RALGAPB: variants seen among roughly 807,000 people sequenced by gnomAD.
RALGAPB encodes the protein ral GTPase-activating protein subunit beta.
RALGAPB carries 25 observed loss-of-function variants against 161.1 expected under a neutral mutation model. The observed-to-expected ratio is 0.16, with a 90% CI of 0.11 to 0.22. The LOEUF (loss-of-function observed/expected upper bound fraction) is 0.22, where lower values mean the gene tolerates loss of function less well. Ranked by LOEUF, RALGAPB falls within the 10% of genes least tolerant of loss-of-function variation. The pLI is 1.00. For missense variants in RALGAPB, 1,391 were observed against 1,815.2 expected (o/e 0.77, Z 4.25); for synonymous variants, 629 against 626.1 (o/e 1.00, Z -0.07).
intron 22 of RALGAPB, among the ~76,000 whole-genome samples, chr20:38,554,875 C>T (rs565081402): frequency 6.6e-6 from 1 of 152,258 alleles, no homozygotes; most frequent in South Asian, 2.1e-4. Context: ...GCCAGGAGTT[C>T]GAGACCAGTC....
chr20:38,530,833 G>A (rs987801627), intron 13 of RALGAPB, among the ~76,000 whole-genome samples: 2 of 149,868 alleles, frequency 1.3e-5, no homozygotes, highest in Non-Finnish European at 3.0e-5. Context: ...TTGACCTCCC[G>A]CCCCACTTCG....
Position 38,473,027 on chromosome 20 carries a change from GC to G in RALGAPB, c.-72del, listed in dbSNP as rs932560842. 43 of 390,336 alleles carry G rather than the reference GC, an allele frequency of 1.1e-4. No individual in the cohort carries two copies. The Admixed American group carries it at 1.7e-3, about 16-fold the overall frequency. 24.2% of individuals were successfully genotyped at this position (390,336 alleles called of 1,614,324 possible). On this transcript the variant is annotated 5_prime_UTR_variant, in exon 1 of 30. Transcript: ENST00000262879. ...GGCGGAAGGCCGAGGACGGCCGGCG[GC>G]GGCGCCCGCCCCGGCGATGCGGGCC...
Position 38,509,091 on chromosome 20 carries a change from C to T in RALGAPB, c.755C>T (p.Thr252Ile), listed in dbSNP as rs2085856474. 3 of 1,613,552 alleles carry T rather than the reference C, an allele frequency of 1.9e-6. No homozygotes were observed. Among genetic ancestry groups the T allele is most frequent in the African/African-American group, 1.3e-5 (1 of 74,902 alleles). The change falls in exon 6 of 30, where the codon ACA (threonine) becomes ATA (isoleucine). Residue 252 changes from threonine to isoleucine, a missense_variant. Coordinates refer to ENST00000262879, the MANE Select transcript of RALGAPB (RefSeq NM_020336.4). The part of the protein sequence containing the change: ...CALTSRLLRF[T>I]YGPSFPAFKV... ...TTATTTTCTAGATTGCTACGCTTTACATATGGTCCTTCATTTCCTGCATTT... is the reference window on the plus strand; with the variant it reads ...TTATTTTCTAGATTGCTACGCTTTATATATGGTCCTTCATTTCCTGCATTT...
In RALGAPB at chr20:38,558,462, T is replaced by TA. The variant is rs1568975394; in HGVS notation, c.3531+10dup. The TA allele has an allele frequency of 1.3e-6, 2 of 1,555,178 alleles. No homozygotes were observed. Among genetic ancestry groups the TA allele is most frequent in the African/African-American group, 2.8e-5 (2 of 72,060 alleles). On this transcript the variant is annotated intron_variant, in intron 23 of 29. Coordinates refer to ENST00000262879, the MANE Select transcript of RALGAPB (RefSeq NM_020336.4). ...AGAAAACGAACCAAGAGGTAAGAGT[T>TA]ACGAATTTTTTTTTTTTGGTATGTT... is the stretch of plus-strand genomic sequence containing the variant.
At chr20:38,487,797 T>A (rs2085161401) in intron 1 of RALGAPB, among the ~76,000 whole-genome samples, 1 of 152,198 alleles carries the variant, frequency 6.6e-6, no homozygotes, top group Admixed American at 6.5e-5. Context: ...CTGGGCACGG[T>A]GGCTCACACC....
chr20:38,546,666 A>G (rs959338256), intron 19 of RALGAPB: 9 of 503,416 alleles, frequency 1.8e-5, no homozygotes, highest in Non-Finnish European at 2.1e-5. Flanking sequence ...TAGTTTTATA[A>G]AAGGTGGTGT....
intron 5 of RALGAPB, among the ~76,000 whole-genome samples, chr20:38,503,019 C>T (rs76127082): frequency 0.011 from 1,633 of 152,298 alleles, 22 homozygotes; most frequent in African/African-American, 0.037. Context: ...AAAGTAATTG[C>T]GGCTTTTGCC....
Position 38,578,003 on chromosome 20 carries a change from G to A in RALGAPB, c.*3036G>A, listed in dbSNP as rs2088499506. 6.6e-6 allele frequency: 1 copy of A among 151,952 alleles called. No homozygotes were observed. Among genetic ancestry groups the A allele is most frequent in the Non-Finnish European group, 1.5e-5 (1 of 68,004 alleles). 9.4% of individuals were successfully genotyped at this position (151,952 alleles called of 1,614,324 possible). ...TGGAAGGTGGAGCTTTACCCAAAGTGGAAGTTAGCCTTGCTCAAAGATGTG... is the reference window on the plus strand; with the variant it reads ...TGGAAGGTGGAGCTTTACCCAAAGTAGAAGTTAGCCTTGCTCAAAGATGTG... On this transcript the variant is annotated 3_prime_UTR_variant, in exon 30 of 30. Transcript: ENST00000262879.
chr20:38,527,308 T>G (rs2086502056), intron 13 of RALGAPB, among the ~76,000 whole-genome samples: 1 of 152,154 alleles, frequency 6.6e-6, no homozygotes, highest in Admixed American at 6.5e-5. Flanking sequence ...TTGAAATGGT[T>G]TCTAAAAGGC....
chr20:38,540,870 G>A (rs973203381), intron 17 of RALGAPB, among the ~76,000 whole-genome samples, 171 bp from the exon 18 acceptor site: 5 of 152,028 alleles, frequency 3.3e-5, no homozygotes, highest in African/African-American at 7.3e-5. Flanking sequence ...GGGGGAGGGG[G>A]TGTAAAGTTT....
chr20:38,517,436 G>A (rs1477207398), intron 7 of RALGAPB, 70 bp from the exon 8 acceptor site: 2 of 1,456,956 alleles, frequency 1.4e-6, no homozygotes, highest in East Asian at 2.3e-5. Context: ...TAGGTTACTG[G>A]GAGAAATTTT....
At chr20:38,571,964 T>TG (rs2088256597) in intron 28 of RALGAPB, among the ~76,000 whole-genome samples, 2 of 152,104 alleles carry the variant, frequency 1.3e-5, no homozygotes, top group South Asian at 4.2e-4. Context: ...CTGGTGATGT[T>TG]GGGTGCTTTA....
chr20:38,514,179 G>A (rs2086059504), intron 6 of RALGAPB, among the ~76,000 whole-genome samples: 1 of 152,192 alleles, frequency 6.6e-6, no homozygotes, highest in South Asian at 2.1e-4. Flanking sequence ...CTCATGTTGG[G>A]GAGGGATGAA....
intron 22 of RALGAPB, among the ~76,000 whole-genome samples, chr20:38,555,796 T>A (rs2087568001): frequency 6.6e-6 from 1 of 152,216 alleles, no homozygotes; most frequent in Non-Finnish European, 1.5e-5. Flanking sequence ...CTTAGAATAT[T>A]TCTAATAACT....
chr20:38,525,731 A>G (rs1256536396), intron 12 of RALGAPB, among the ~76,000 whole-genome samples, 164 bp from the exon 13 acceptor site: 2 of 151,722 alleles, frequency 1.3e-5, no homozygotes, highest in Non-Finnish European at 2.9e-5. Context: ...GTTATAGGCT[A>G]AGGACATCTA....
chr20:38,490,568 G>T (rs943305750), intron 2 of RALGAPB, among the ~76,000 whole-genome samples: 1 of 148,652 alleles, frequency 6.7e-6, no homozygotes, highest in African/African-American at 2.5e-5. Flanking sequence ...GTGCAATGTC[G>T]CAATCTTAGC....
At chr20:38,572,088 A>G (rs2088260958) in intron 28 of RALGAPB, among the ~76,000 whole-genome samples, 1 of 152,238 alleles carries the variant, frequency 6.6e-6, no homozygotes, top group South Asian at 2.1e-4. Flanking sequence ...GTAGGGCAGC[A>G]ATATTAGATT....
At chr20:38,528,613 C>T (rs58790869) in intron 13 of RALGAPB, among the ~76,000 whole-genome samples, 2,759 of 152,168 alleles carry the variant, frequency 0.018, 81 homozygotes, top group African/African-American at 0.062. Context: ...CTCCAGTCCT[C>T]CCTCCTTAGC....
intron 3 of RALGAPB, among the ~76,000 whole-genome samples, chr20:38,495,822 T>C (rs1320132031): frequency 6.6e-6 from 1 of 152,160 alleles, no homozygotes; most frequent in African/African-American, 2.4e-5. Flanking sequence ...GCCTTCTGAA[T>C]GAGGAGGAAG....
Sources: gnomAD v4.1 joint callset for allele counts (sites outside exome capture counted in the v4.1 genomes callset) on GRCh38, gnomAD v4.1.1 for gene constraint, MANE v1.5 for transcripts, NCBI Gene and HGNC (gene_info 2026-07-23, HGNC 2026-07-21) for gene names.